BTG3: variants seen among roughly 807,000 people sequenced by gnomAD.
The protein encoded by BTG3 is protein BTG3.
A neutral mutation model predicts 25.8 loss-of-function variants in BTG3; 4 were observed. The ratio of observed to expected loss-of-function variants is 0.16; its 90% CI spans 0.08 to 0.36. BTG3 has a LOEUF of 0.36. Ranked by LOEUF, BTG3 falls within the 10% of genes least tolerant of loss-of-function variation. The pLI, the probability that BTG3 is intolerant of heterozygous loss-of-function variation, is 1.00. For missense variants in BTG3, 201 were observed against 304.9 expected, an observed-to-expected ratio of 0.66 and a Z score of 2.54; for synonymous variants, 107 against 99.9, an observed-to-expected ratio of 1.07 and a Z score of -0.42.
chr21:17,596,873 T>A lies in BTG3; in HGVS notation c.519+1744A>T, dbSNP rs145830451. 4.9e-3 allele frequency among the ~76,000 whole-genome samples: 748 copies of A among 152,188 alleles called. 7 individuals are homozygous for A. The highest frequency in any genetic ancestry group is 0.017 in the African/African-American group (713 of 41,542). On this transcript the variant is annotated intron_variant, in intron 4 of 4. Transcript: ENST00000348354. ...TCTTCGTTTTTTAAGATATGAATAA[T>A]TCTTTATCCCCTCTCTTGGGATACC... is the stretch of plus-strand genomic sequence containing the variant.
rs1278068823 is a variant in BTG3, at chr21:17,594,067, T to A, written c.*26A>T. On this transcript the variant is annotated 3_prime_UTR_variant, in exon 5 of 5. Transcript: ENST00000348354. ...GGTTTATTCTACCTTTTTCTCAACATGACACCAACACAATCAAAAACGAAG... is the reference window on the plus strand; with the variant it reads ...GGTTTATTCTACCTTTTTCTCAACAAGACACCAACACAATCAAAAACGAAG... 1.4e-5 allele frequency: 23 copies of A among 1,606,030 alleles called. No individual in the cohort carries two copies. The Admixed American group carries it at 3.7e-4, about 26-fold the overall frequency.
intron 3 of BTG3, 96 bp from the exon 4 acceptor site, chr21:17,598,920 C>G (rs2123439768): frequency 1.1e-6 from 1 of 920,498 alleles, no homozygotes. Context: ...GCCATCAATA[C>G]AAGGCAAAGA....
intron 3 of BTG3, chr21:17,604,116 A>G: frequency 7.8e-7 from 1 of 1,280,720 alleles, no homozygotes; most frequent in East Asian, 6.3e-5. Context: ...TATAAAAATA[A>G]AACCACGAAG....
rs751383282 is a variant in BTG3, at chr21:17,593,799, C to T, written c.*294G>A. Reference sequence around the variant, plus strand: ...CAAAGGTGCTAGAACAAATCGTCCACTTCTACAGTGTTCTCGTATCCAACA... The same window carrying T: ...CAAAGGTGCTAGAACAAATCGTCCATTTCTACAGTGTTCTCGTATCCAACA... On this transcript the variant is annotated 3_prime_UTR_variant, in exon 5 of 5. Transcript: ENST00000348354. 19 of 314,980 alleles carry T rather than the reference C, an allele frequency of 6.0e-5. No homozygotes were observed. Among genetic ancestry groups the T allele is most frequent in the Admixed American group, 4.7e-5 (1 of 21,138 alleles). The allele number at this position is 314,980 out of a possible 1,614,324, so 19.5% of individuals were successfully genotyped here. A position where few individuals can be genotyped will look rare whatever the true frequency, so the allele number is the denominator to read the frequency against.
intron 4 of BTG3, among the ~76,000 whole-genome samples, chr21:17,594,608 C>T (rs892777962): frequency 6.6e-6 from 1 of 151,976 alleles, no homozygotes; most frequent in East Asian, 1.9e-4. Context: ...AAACATGGAA[C>T]GAATGGAAGC....
At chr21:17,594,612 T>C (rs2061480454) in intron 4 of BTG3, among the ~76,000 whole-genome samples, 1 of 152,062 alleles carries the variant, frequency 6.6e-6, no homozygotes, top group African/African-American at 2.4e-5. Context: ...ATGGAACGAA[T>C]GGAAGCTTGT....
intron 1 of BTG3, 137 bp from the exon 2 acceptor site, chr21:17,609,289 G>T: frequency 2.5e-6 from 2 of 813,322 alleles, no homozygotes; most frequent in Non-Finnish European, 3.7e-6. Flanking sequence ...GCTTATATCT[G>T]AAGTAGAGAA....
chr21:17,605,571 T>C (rs2061628822), intron 2 of BTG3, among the ~76,000 whole-genome samples: 1 of 152,238 alleles, frequency 6.6e-6, no homozygotes, highest in African/African-American at 2.4e-5. Flanking sequence ...CTAACTAACA[T>C]GTTATTGGCT....
chr21:17,598,250 G>T (rs950227777), intron 4 of BTG3, among the ~76,000 whole-genome samples: 1 of 152,046 alleles, frequency 6.6e-6, no homozygotes, highest in Admixed American at 6.6e-5. Context: ...CATGGAACGG[G>T]AGAGAATAGA....
chr21:17,604,027 T>C, intron 3 of BTG3: 1 of 802,766 alleles, frequency 1.2e-6, no homozygotes, highest in Non-Finnish European at 1.6e-6. Flanking sequence ...TTTGAGCAAG[T>C]GGAGTTCAAA....
At chr21:17,612,675 C>A in intron 1 of BTG3, 24 bp downstream of exon 1, 1 of 152,912 alleles carries the variant, frequency 6.5e-6, no homozygotes, top group South Asian at 2.1e-4. Flanking sequence ...CCATGTCTGC[C>A]TTTCCCCGGC....
At chr21:17,610,378 C>T (rs1161065249) in intron 1 of BTG3, among the ~76,000 whole-genome samples, 2 of 152,042 alleles carry the variant, frequency 1.3e-5, no homozygotes, top group Admixed American at 6.5e-5. Context: ...ATTGACTTTC[C>T]GAAAGTACTC....
intron 1 of BTG3, among the ~76,000 whole-genome samples, chr21:17,609,477 CTGTG>C (rs1196258349): frequency 6.6e-6 from 1 of 152,184 alleles, no homozygotes. Context: ...ATAGATGTTA[CTGTG>C]TGTGTCAATA....
At chr21:17,594,456 A>G (rs2061477760) in intron 4 of BTG3, 124 bp from the exon 5 acceptor site, 1 of 1,153,330 alleles carries the variant, frequency 8.7e-7, no homozygotes, top group East Asian at 2.5e-5. Flanking sequence ...TGACACTCCT[A>G]TTGTCAGGTC....
At chr21:17,612,488 G>A (rs1411237220) in intron 1 of BTG3, 2 of 152,184 alleles carry the variant, frequency 1.3e-5, no homozygotes, top group Non-Finnish European at 2.9e-5. Flanking sequence ...GGGTCCCGCG[G>A]AAAGCCTCGC....
chr21:17,595,791 A>T (rs1337659121), intron 4 of BTG3, among the ~76,000 whole-genome samples: 1 of 152,032 alleles, frequency 6.6e-6, no homozygotes, highest in East Asian at 1.9e-4. Flanking sequence ...TTCTTTTGGT[A>T]AATATTTAAT....
At chr21:17,609,178 A>G in intron 1 of BTG3, 26 bp from the exon 2 acceptor site, 1 of 1,591,524 alleles carries the variant, frequency 6.3e-7, no homozygotes, top group Non-Finnish European at 8.5e-7. Context: ...ATGTTTTCTC[A>G]GAAAAACAAA....
chr21:17,598,571 G>C, intron 4 of BTG3, 46 bp downstream of exon 4: 2 of 1,532,416 alleles, frequency 1.3e-6, no homozygotes, highest in Middle Eastern at 3.4e-4. Context: ...AAAGGTCCTG[G>C]CAATCCCTGC....
At chr21:17,605,073 C>CT in intron 2 of BTG3, 76 bp from the exon 3 acceptor site, 1 of 1,484,102 alleles carries the variant, frequency 6.7e-7, no homozygotes, top group Non-Finnish European at 9.1e-7. Flanking sequence ...TTCATACTTG[C>CT]CAAGGTGAGT....
Sources: gnomAD v4.1 joint callset for allele counts (sites outside exome capture counted in the v4.1 genomes callset) on GRCh38, gnomAD v4.1.1 for gene constraint, MANE v1.5 for transcripts, NCBI Gene and HGNC (gene_info 2026-07-23, HGNC 2026-07-21) for gene names.